TNIK: variants seen among roughly 807,000 people sequenced by gnomAD.
TNIK encodes TRAF2 and NCK interacting kinase, also known as TRAF2 and NCK-interacting protein kinase.
In TNIK, 49 loss-of-function variants were observed where a neutral mutation model predicts 191.3. The ratio of observed to expected loss-of-function variants is 0.26; its 90% CI spans 0.20 to 0.32. The LOEUF is 0.32. Ranked by LOEUF, TNIK falls within the 10% of genes least tolerant of loss-of-function variation. TNIK has a pLI of 1.00. For missense variants in TNIK, 1,155 were observed against 1,702.3 expected, an observed-to-expected ratio of 0.68 and a Z score of 5.66; for synonymous variants, 594 against 600.9, an observed-to-expected ratio of 0.99 and a Z score of 0.17.
intron 22 of TNIK, among the ~76,000 whole-genome samples, chr3:171,100,095 T>A (rs1447698753): frequency 6.6e-6 from 1 of 152,202 alleles, no homozygotes; most frequent in African/African-American, 2.4e-5. Flanking sequence ...TCTTCTCTCA[T>A]CCTGATGCTT....
chr3:171,410,583 T>A (rs1236340492), intron 1 of TNIK, among the ~76,000 whole-genome samples: 1 of 151,924 alleles, frequency 6.6e-6, no homozygotes, highest in Admixed American at 6.6e-5. Flanking sequence ...ATCGAGACCA[T>A]CCTGGCTAAC....
chr3:171,064,010 C>T, intron 32 of TNIK, 46 bp from the exon 33 acceptor site: 1 of 1,571,790 alleles, frequency 6.4e-7, no homozygotes, highest in Non-Finnish European at 8.7e-7. Flanking sequence ...TGGTCTTTTC[C>T]CCTCTTTTCT....
intron 3 of TNIK, among the ~76,000 whole-genome samples, chr3:171,215,922 A>G (rs1741403354): frequency 6.6e-6 from 1 of 152,186 alleles, no homozygotes; most frequent in South Asian, 2.1e-4. Context: ...CTAAGAGACT[A>G]GTCAGGAAGA....
At chr3:171,459,503 T>C (rs1729178118) in intron 1 of TNIK, among the ~76,000 whole-genome samples, 1 of 152,158 alleles carries the variant, frequency 6.6e-6, no homozygotes, top group Admixed American at 6.5e-5. Flanking sequence ...TAGCAATAAC[T>C]GCCCCCTTGG....
intron 21 of TNIK, chr3:171,101,984 T>C: frequency 6.0e-6 from 1 of 166,800 alleles, no homozygotes; most frequent in Non-Finnish European, 1.3e-5. Context: ...TGGGAAAATA[T>C]GTGGGATTAG....
At chr3:171,278,129 A>G (rs1351296831) in intron 2 of TNIK, among the ~76,000 whole-genome samples, 3 of 152,184 alleles carry the variant, frequency 2.0e-5, no homozygotes, top group African/African-American at 7.2e-5. Flanking sequence ...CTCGAGACCT[A>G]GTGTCTAATG....
intron 2 of TNIK, among the ~76,000 whole-genome samples, chr3:171,359,445 T>C (rs1714648324): frequency 1.3e-5 from 2 of 152,308 alleles, no homozygotes; most frequent in South Asian, 2.1e-4. Context: ...AGAAAAATTG[T>C]GTAACCAGCT....
chr3:171,233,015 C>T (rs1305014837), intron 2 of TNIK, among the ~76,000 whole-genome samples: 2 of 152,188 alleles, frequency 1.3e-5, no homozygotes, highest in African/African-American at 4.8e-5. Context: ...GCCTGGAAGA[C>T]AGAATACTTT....
intron 2 of TNIK, among the ~76,000 whole-genome samples, chr3:171,294,582 G>A (rs1193322881): frequency 3.3e-5 from 5 of 151,912 alleles, no homozygotes; most frequent in East Asian, 3.9e-4. Context: ...TTAGCCAGGC[G>A]TGGTGGTGAG....
In TNIK at chr3:171,123,538, A is replaced by G. The variant is rs1261620844; in HGVS notation, c.2120+58T>C. The G allele has an allele frequency of 2.9e-6, 4 of 1,390,908 alleles. No individual in the cohort carries two copies. In the East Asian group the frequency reaches 7.7e-5, roughly 27 times the overall value. 86.2% of individuals were successfully genotyped at this position (1,390,908 alleles called of 1,614,324 possible). ...GAACACAGGCATTTCTAGGAAAGCA[A>G]TAATGACAATGGTGGGTAGGAGTTT... is the stretch of plus-strand genomic sequence containing the variant. On this transcript the variant is annotated intron_variant, in intron 18 of 32. Coordinates refer to ENST00000436636, the MANE Select transcript of TNIK (RefSeq NM_015028.4).
chr3:171,292,553 G>A (rs1019070375), intron 2 of TNIK, among the ~76,000 whole-genome samples: 1 of 152,082 alleles, frequency 6.6e-6, no homozygotes, highest in Admixed American at 6.6e-5. Context: ...CAGGCGGGCG[G>A]AACATGAGGT....
chr3:171,459,999 C>T lies in TNIK; in HGVS notation c.57+8G>A, dbSNP rs1289964411. On this transcript the variant is annotated splice_region_variant and intron_variant, in intron 1 of 32. Coordinates refer to ENST00000436636, the MANE Select transcript of TNIK (RefSeq NM_015028.4). Reference sequence around the variant, plus strand: ...CACTGGAAAGAAACCAGAAAACGTCCTGCTCACCCTCAGAGCCGAGAGATC... The same window carrying T: ...CACTGGAAAGAAACCAGAAAACGTCTTGCTCACCCTCAGAGCCGAGAGATC... The T allele has an allele frequency of 1.9e-6, 3 of 1,607,674 alleles. No individual in the cohort carries two copies. The highest frequency in any genetic ancestry group is 2.2e-5 in the South Asian group (2 of 89,422).
chr3:171,460,147 G>T lies in TNIK; in HGVS notation c.-84C>A. The T allele has an allele frequency of 2.0e-6, 3 of 1,512,422 alleles. No individual in the cohort carries two copies. Among genetic ancestry groups the T allele is most frequent in the Middle Eastern group, 1.8e-4 (1 of 5,680 alleles). The allele number at this position is 1,512,422 out of a possible 1,614,324, so 93.7% of individuals were successfully genotyped here. On this transcript the variant is annotated 5_prime_UTR_variant, in exon 1 of 33. Coordinates refer to ENST00000436636, the MANE Select transcript of TNIK (RefSeq NM_015028.4). The surrounding 1 kb of genome is among the most constrained non-coding windows in gnomAD (Gnocchi z 6.8). ...TTCCACCTTGGTCTATTTCACTCGC[G>T]TCCTCATGCGGGTGTCGCGCCAGAG...
At chr3:171,222,267 C>A (rs989237465) in intron 3 of TNIK, among the ~76,000 whole-genome samples, 3 of 152,092 alleles carry the variant, frequency 2.0e-5, no homozygotes, top group African/African-American at 7.2e-5. Flanking sequence ...GATTTGAATT[C>A]CAACCCTGCC....
At chr3:171,368,691 T>C (rs978133433) in intron 2 of TNIK, among the ~76,000 whole-genome samples, 2 of 152,166 alleles carry the variant, frequency 1.3e-5, no homozygotes, top group African/African-American at 4.8e-5. Context: ...TATTACAACC[T>C]GAATGATTTC....
intron 1 of TNIK, among the ~76,000 whole-genome samples, chr3:171,376,169 G>C (rs1717185754): frequency 6.6e-6 from 1 of 152,146 alleles, no homozygotes; most frequent in Non-Finnish European, 1.5e-5. Flanking sequence ...ACAGAACAAA[G>C]AAAACAGGAA....
intron 22 of TNIK, among the ~76,000 whole-genome samples, chr3:171,099,297 T>C (rs1723132276): frequency 6.6e-6 from 1 of 152,078 alleles, no homozygotes; most frequent in Admixed American, 6.6e-5. Flanking sequence ...GTATACACCA[T>C]ACATTCCCAC....
chr3:171,310,038 ATTAC>A (rs1753852061), intron 2 of TNIK, among the ~76,000 whole-genome samples: 2 of 152,092 alleles, frequency 1.3e-5, no homozygotes, highest in African/African-American at 4.8e-5. Flanking sequence ...TTCCTTACCT[ATTAC>A]TTAACTTCTT....
At chr3:171,431,879 GA>G (rs1725433184) in intron 1 of TNIK, among the ~76,000 whole-genome samples, 1 of 152,180 alleles carries the variant, frequency 6.6e-6, no homozygotes, top group South Asian at 2.1e-4. Flanking sequence ...CAAATCCCAA[GA>G]CTAGTTAATT....
Sources: allele counts gnomAD v4.1 joint callset (sites outside exome capture counted in the v4.1 genomes callset), GRCh38; gene constraint gnomAD v4.1.1; non-coding constraint Gnocchi (gnomAD v3.1); transcripts MANE v1.5; gene names NCBI Gene and HGNC (gene_info 2026-07-23, HGNC 2026-07-21).